Variants in MYO1F observed in about 807,000 individuals in gnomAD.
The protein encoded by MYO1F is unconventional myosin-If.
MYO1F carries 60 observed loss-of-function variants against 146.6 expected under a neutral mutation model. The observed-to-expected ratio is 0.41, with a 90% confidence interval of 0.33 to 0.51. The LOEUF is 0.51. Among genes scored for constraint, MYO1F ranks in the 20% least tolerant of loss-of-function variants. MYO1F has a pLI of 0.25. For synonymous variants in MYO1F, 602 were observed against 602.1 expected, an observed-to-expected ratio of 1.00 and a Z score of 0.00; for missense variants, 1,274 against 1,534.3, an observed-to-expected ratio of 0.83 and a Z score of 2.83.
intron 14 of MYO1F, among the ~76,000 whole-genome samples, chr19:8,542,411 CAG>C (rs1973018700): frequency 1.3e-5 from 2 of 148,454 alleles, no homozygotes; most frequent in African/African-American, 2.5e-5. Context: ...CCTGGTCAAT[CAG>C]GGGCCAGTGC....
At chr19:8,529,952 G>T in intron 21 of MYO1F, 2 of 627,582 alleles carry the variant, frequency 3.2e-6, no homozygotes, top group Non-Finnish European at 5.7e-6. Flanking sequence ...TAGGCTGGGG[G>T]ATAGATACCT....
chr19:8,537,864 G>A (rs1972794737), intron 16 of MYO1F, among the ~76,000 whole-genome samples: 2 of 152,176 alleles, frequency 1.3e-5, no homozygotes, highest in South Asian at 4.1e-4. Context: ...GAGTAGCTAG[G>A]ATTACAGGTC....
chr19:8,542,121 G>A, intron 14 of MYO1F, 130 bp from the exon 15 acceptor site: 1 of 723,018 alleles, frequency 1.4e-6, no homozygotes, highest in Non-Finnish European at 2.5e-6. Flanking sequence ...ATCAGGCAGT[G>A]TCTACAGCGC....
At chr19:8,552,254 C>G in intron 6 of MYO1F, 90 bp from the exon 7 acceptor site, 2 of 1,331,954 alleles carry the variant, frequency 1.5e-6, no homozygotes, top group African/African-American at 3.0e-5. Context: ...CCTTGCCTCT[C>G]TTCCCTTCTT....
In MYO1F at chr19:8,554,658, C is replaced by G; in HGVS notation, c.227G>C (p.Gly76Ala). 1 of 1,613,972 alleles carries G rather than the reference C, an allele frequency of 6.2e-7. No homozygotes were observed. The highest frequency in any genetic ancestry group is 8.5e-7 in the Non-Finnish European group (1 of 1,179,990). Residue 76 changes from glycine (G) to alanine (A), a missense_variant, in exon 3 of 28, where the codon GGC (glycine) becomes GCC (alanine). Gly to Ala is a moderately conservative substitution (Grantham distance 60). This residue lies in a region of MYO1F where 900 missense variants were observed against 1,155.1 expected (regional missense o/e 0.78). Transcript: ENST00000644032. ...FTDREIDLYQGAAQYENPPHI... is the reference protein window; with the variant it reads ...FTDREIDLYQAAAQYENPPHI... ...CCCACCCAGCCCCAGCCTCACCGCG[C>G]CCTGATAGAGGTCGATCTCACGGTC...
intron 12 of MYO1F, among the ~76,000 whole-genome samples, chr19:8,547,411 C>T (rs1334743659): frequency 6.6e-6 from 1 of 150,874 alleles, no homozygotes; most frequent in Non-Finnish European, 1.5e-5. Flanking sequence ...TGAGACCAGT[C>T]TGGCCAATAT....
At chr19:8,556,780 G>C (rs568372510) in intron 1 of MYO1F, among the ~76,000 whole-genome samples, 1 of 151,720 alleles carries the variant, frequency 6.6e-6, no homozygotes, top group South Asian at 2.1e-4. Flanking sequence ...CCAGCTACTC[G>C]GGAGGCTGAG....
chr19:8,568,853 G>A (rs895320781), intron 1 of MYO1F, among the ~76,000 whole-genome samples: 4 of 152,040 alleles, frequency 2.6e-5, no homozygotes, highest in African/African-American at 9.7e-5. Context: ...CCTAGGAGGT[G>A]GAGGTTGCAG....
chr19:8,570,966 C>T (rs782332719), intron 1 of MYO1F, among the ~76,000 whole-genome samples: 2 of 152,166 alleles, frequency 1.3e-5, no homozygotes, highest in Admixed American at 1.3e-4. Flanking sequence ...GCAGATTCAA[C>T]GAAGCAAAGG....
At chr19:8,538,234 G>A (rs1236975844) in intron 16 of MYO1F, among the ~76,000 whole-genome samples, 1 of 145,950 alleles carries the variant, frequency 6.9e-6, no homozygotes, top group Non-Finnish European at 1.5e-5. Flanking sequence ...CCAAAGTCCT[G>A]GGATTACAGG....
intron 1 of MYO1F, among the ~76,000 whole-genome samples, chr19:8,572,452 G>C (rs891086834): frequency 6.6e-6 from 1 of 152,032 alleles, no homozygotes; most frequent in African/African-American, 2.4e-5. Flanking sequence ...ATTTTTAGTA[G>C]AGATGGGGTT....
rs1005137511 is a variant in MYO1F at position 8,526,474 on chromosome 19, C to T, written c.2749G>A (p.Asp917Asn). 8.3e-6 allele frequency: 13 copies of T among 1,561,456 alleles called. No homozygotes were observed. Among genetic ancestry groups the T allele is most frequent in the Non-Finnish European group, 1.1e-5 (13 of 1,152,746 alleles). ...TCACTGGAGCTCTTGGGCAGCCCATCGCCCACGCTGACCGTGAGGGTCCGA... is the reference window on the plus strand; with the variant it reads ...TCACTGGAGCTCTTGGGCAGCCCATTGCCCACGCTGACCGTGAGGGTCCGA... The part of the protein sequence containing the change: ...GGRTLTVSVG[D>N]GLPKSSKPTR... The change falls in exon 24 of 28, where the codon GAT becomes AAT. Residue 917 changes from aspartate to asparagine, a missense_variant. Asp to Asn is a conservative substitution (Grantham distance 23, BLOSUM62 1). Transcript: ENST00000644032.
intron 1 of MYO1F, among the ~76,000 whole-genome samples, chr19:8,568,512 A>G (rs1038673052): frequency 6.7e-6 from 1 of 149,890 alleles, no homozygotes; most frequent in Admixed American, 6.7e-5. Flanking sequence ...TGTGGGGAGG[A>G]TAGTCGAGAA....
intron 1 of MYO1F, among the ~76,000 whole-genome samples, chr19:8,562,384 TG>T (rs1361915078): frequency 1.3e-5 from 2 of 152,088 alleles, no homozygotes; most frequent in East Asian, 3.9e-4. Flanking sequence ...CATACCTCAC[TG>T]CGGCCTCGAA....
chr19:8,543,705 G>C (rs61342405), intron 14 of MYO1F, among the ~76,000 whole-genome samples: 1,599 of 17,828 alleles, frequency 0.09, 211 homozygotes, highest in African/African-American at 0.12. Context: ...GGTGGTGGTG[G>C]TGCTGGTGGT....
At chr19:8,537,963 GTTTTATTTTTAT>G (rs894414470) in intron 16 of MYO1F, among the ~76,000 whole-genome samples, 13 of 151,576 alleles carry the variant, frequency 8.6e-5, no homozygotes, top group Middle Eastern at 3.4e-3. Context: ...TTTGCATTTT[GTTTTATTTTTAT>G]TTTTATTTTT....
intron 8 of MYO1F, 106 bp from the exon 9 acceptor site, chr19:8,550,800 T>C: frequency 4.7e-6 from 7 of 1,501,622 alleles, no homozygotes; most frequent in Non-Finnish European, 6.4e-6. Flanking sequence ...GTGAGCACCC[T>C]TGGGTCCCTG....
Position 8,553,416 on chromosome 19 carries a change from C to T in MYO1F, c.348G>A (p.Lys116=), listed in dbSNP as rs552481608. The change falls in exon 5 of 28, where the codon AAG becomes AAA. Residue 116 remains lysine (K), a synonymous_variant. Transcript: ENST00000644032. ...CCATGATATATTTGGCTGCCACTGT[C>T]TTCCCAGCTCCACTCTCTCCACTGG... The part of the protein sequence containing the change: ...VIISGESGAG[K]TVAAKYIMGY... 6.2e-7 allele frequency: 1 copy of T among 1,614,156 alleles called. No homozygotes were observed. The highest frequency in any genetic ancestry group is 2.2e-5 in the East Asian group (1 of 44,884).
chr19:8,546,992 T>G (rs993316897), intron 12 of MYO1F, among the ~76,000 whole-genome samples: 1 of 151,980 alleles, frequency 6.6e-6, no homozygotes, highest in Non-Finnish European at 1.5e-5. Context: ...CTCTCTCTCT[T>G]TGTTAAAAAA....
Sources: gnomAD v4.1 joint callset for allele counts (sites outside exome capture counted in the v4.1 genomes callset) on GRCh38, gnomAD v4.1.1 for gene constraint, gnomAD v4.1.1 regional missense constraint, MANE v1.5 for transcripts, NCBI Gene and HGNC (gene_info 2026-07-23, HGNC 2026-07-21) for gene names.